AUH: variants seen among roughly 807,000 people sequenced by gnomAD.
AUH encodes methylglutaconyl-CoA hydratase, mitochondrial.
In AUH, 29 loss-of-function variants were observed where a neutral mutation model predicts 42.3. The observed-to-expected ratio is 0.69, with a 90% CI of 0.51 to 0.93. The LOEUF (loss-of-function observed/expected upper bound fraction) is 0.93. Ranked by LOEUF, AUH falls within the 40% of genes least tolerant of loss-of-function variation. The probability of loss-of-function intolerance (pLI) is 0.00; values close to 1 mark genes in which losing one functional copy is unlikely to be tolerated. For synonymous variants in AUH, 174 were observed against 166.4 expected, an observed-to-expected ratio of 1.05 and a Z score of -0.35; for missense variants, 452 against 438.1, an observed-to-expected ratio of 1.03 and a Z score of -0.28.
intron 3 of AUH, among the ~76,000 whole-genome samples, chr9:91,332,969 C>T (rs1211401472): frequency 2.0e-5 from 3 of 152,152 alleles, no homozygotes; most frequent in Non-Finnish European, 1.5e-5. Flanking sequence ...CAGGAAAGAA[C>T]GCTGGTAAGC....
intron 6 of AUH, among the ~76,000 whole-genome samples, chr9:91,271,868 G>A (rs1197519596): frequency 6.6e-6 from 1 of 152,160 alleles, no homozygotes; most frequent in Non-Finnish European, 1.5e-5. Flanking sequence ...TTTTAGTATA[G>A]ACGGAGTTTC....
In AUH at chr9:91,236,934, G is replaced by GA. The variant is rs201010157; in HGVS notation, c.656-15943dup. 3.4e-4 allele frequency among the ~76,000 whole-genome samples: 52 copies of GA among 151,576 alleles called. 1 individual carries two copies. The East Asian group carries it at 4.3e-3, about 12-fold the overall frequency. ...TCCCCACAAATCGATAAAATGGCAG[G>GA]AAAAAAAACCCCATAAACTGCTATG... On this transcript the variant is annotated intron_variant, in intron 6 of 9. Coordinates refer to ENST00000375731, the MANE Select transcript of AUH (RefSeq NM_001698.3).
Position 91,229,608 on chromosome 9 carries a change from T to C in AUH, c.656-8616A>G, listed in dbSNP as rs542055924. ...TTGATCCTGTCATTATGATGTTAGC[T>C]GGTTATTTTGCTCGTTGGTTGATGC... On this transcript the variant is annotated intron_variant, in intron 6 of 9. Transcript: ENST00000375731. 4.7e-3 allele frequency among the ~76,000 whole-genome samples: 714 copies of C among 152,120 alleles called. 6 individuals are homozygous for C. The highest frequency in any genetic ancestry group is 0.017 in the African/African-American group (689 of 41,494).
rs368639194 is a variant in AUH at position 91,228,109 on chromosome 9, C to A, written c.656-7117G>T. On this transcript the variant is annotated intron_variant, in intron 6 of 9. Transcript: ENST00000375731. ...GATTCCCTCTTTTTCTATTGATTGG[C>A]ATAGTTTCAGAAGGAATGGTACCAG... Among the ~76,000 whole-genome samples the A allele has an allele frequency of 8.6e-5, 13 of 151,994 alleles. No homozygotes were observed. In the South Asian group the frequency reaches 1.2e-3, roughly 15 times the overall value.
chr9:91,318,662 G>T (rs755469679), intron 4 of AUH, among the ~76,000 whole-genome samples: 1 of 152,180 alleles, frequency 6.6e-6, no homozygotes, highest in South Asian at 2.1e-4. Context: ...GACTGACTGC[G>T]ACTGATTTGG....
chr9:91,242,328 G>A (rs771482725), intron 6 of AUH, among the ~76,000 whole-genome samples: 30 of 152,214 alleles, frequency 2.0e-4, no homozygotes, highest in Non-Finnish European at 4.1e-4. Context: ...ACTGTAAGGA[G>A]CATCTTTTCT....
chr9:91,235,412 G>A (rs1168033249), intron 6 of AUH, among the ~76,000 whole-genome samples: 1 of 152,166 alleles, frequency 6.6e-6, no homozygotes, highest in Non-Finnish European at 1.5e-5. Flanking sequence ...GAGTGTGTGA[G>A]TGTCCGATAT....
chr9:91,225,734 AT>A (rs1315092734), intron 6 of AUH, among the ~76,000 whole-genome samples: 11 of 128,214 alleles, frequency 8.6e-5, no homozygotes, highest in Non-Finnish European at 1.6e-4. Flanking sequence ...CCAGAGTGTG[AT>A]TGTTCCCCTT....
intron 6 of AUH, among the ~76,000 whole-genome samples, chr9:91,272,330 G>A (rs1332842699): frequency 6.6e-6 from 1 of 152,182 alleles, no homozygotes; most frequent in Non-Finnish European, 1.5e-5. Flanking sequence ...GCCTGCTGAA[G>A]TACACTTAAG....
At chr9:91,305,799 C>T (rs1297232414) in intron 4 of AUH, among the ~76,000 whole-genome samples, 1 of 152,128 alleles carries the variant, frequency 6.6e-6, no homozygotes, top group Non-Finnish European at 1.5e-5. Context: ...CTGTTACTTG[C>T]CTGGTACAGT....
At chr9:91,238,401 T>C (rs1448008121) in intron 6 of AUH, among the ~76,000 whole-genome samples, 1 of 152,192 alleles carries the variant, frequency 6.6e-6, no homozygotes, top group African/African-American at 2.4e-5. Context: ...TGTTTGCATC[T>C]CACTGCCTAG....
chr9:91,217,846 C>G (rs994547711), intron 7 of AUH, among the ~76,000 whole-genome samples: 1 of 152,178 alleles, frequency 6.6e-6, no homozygotes, highest in African/African-American at 2.4e-5. Flanking sequence ...CTAAGCAGTG[C>G]TCCCACAGCA....
intron 3 of AUH, chr9:91,342,875 C>G (rs913131329): frequency 2.6e-5 from 4 of 152,460 alleles, no homozygotes; most frequent in Admixed American, 2.0e-4. Flanking sequence ...GACAGCAAGA[C>G]AACCCCTCCT....
intron 6 of AUH, among the ~76,000 whole-genome samples, chr9:91,252,653 C>T (rs1163836022): frequency 6.6e-6 from 1 of 152,034 alleles, no homozygotes; most frequent in Admixed American, 6.5e-5. Context: ...ACCAAAGAGG[C>T]AAGATATTAG....
In AUH at chr9:91,228,221, C is replaced by T. The variant is rs563628780; in HGVS notation, c.656-7229G>A. ...GTTGGTAAGCTATTGATTATTGCCA[C>T]AATTTCACATCCTGTTATTGGTCTA... On this transcript the variant is annotated intron_variant, in intron 6 of 9. Transcript: ENST00000375731. 4.2e-3 allele frequency among the ~76,000 whole-genome samples: 642 copies of T among 152,326 alleles called. 6 individuals are homozygous for T. The highest frequency in any genetic ancestry group is 0.015 in the African/African-American group (607 of 41,566).
At chr9:91,345,577 T>C (rs2132008898) in intron 3 of AUH, among the ~76,000 whole-genome samples, 1 of 152,214 alleles carries the variant, frequency 6.6e-6, no homozygotes, top group East Asian at 1.9e-4. Flanking sequence ...CTCACGCCTG[T>C]AATCCCAGCA....
chr9:91,306,437 TA>T, intron 4 of AUH: 1 of 943,944 alleles, frequency 1.1e-6, no homozygotes, highest in Non-Finnish European at 1.3e-6. Context: ...CTATTTCTGA[TA>T]AAAAGATAAC....
At chr9:91,249,819 T>G (rs1829023922) in intron 6 of AUH, among the ~76,000 whole-genome samples, 1 of 151,916 alleles carries the variant, frequency 6.6e-6, no homozygotes, top group African/African-American at 2.4e-5. Flanking sequence ...AGACCATCCT[T>G]GCCAACATGG....
chr9:91,332,628 A>G (rs775091574), intron 3 of AUH, among the ~76,000 whole-genome samples: 13 of 152,224 alleles, frequency 8.5e-5, no homozygotes, highest in Non-Finnish European at 1.6e-4. Context: ...CCATACTGAC[A>G]GGCTGGGGAG....
Sources: allele counts gnomAD v4.1 joint callset (sites outside exome capture counted in the v4.1 genomes callset), GRCh38; gene constraint gnomAD v4.1.1; transcripts MANE v1.5; gene names NCBI Gene and HGNC (gene_info 2026-07-23, HGNC 2026-07-21).